VIPR2: variants seen among roughly 807,000 people sequenced by gnomAD.
VIPR2 encodes vasoactive intestinal polypeptide receptor 2.
In VIPR2, 48 loss-of-function variants were observed where a neutral mutation model predicts 58.0. The ratio of observed to expected loss-of-function variants is 0.83; its 90% CI spans 0.66 to 1.05. The LOEUF (loss-of-function observed/expected upper bound fraction) is 1.05. Among genes scored for constraint, VIPR2 ranks in the 50% least tolerant of loss-of-function variants. The pLI is 0.00. For missense variants in VIPR2, 534 were observed against 558.0 expected (o/e 0.96, Z 0.43); for synonymous variants, 243 against 235.2 (o/e 1.03, Z -0.30).
intron 4 of VIPR2, among the ~76,000 whole-genome samples, chr7:159,067,834 CAT>C (rs1307415788): frequency 6.6e-6 from 1 of 152,232 alleles, no homozygotes; most frequent in Non-Finnish European, 1.5e-5. Flanking sequence ...AAGATAATCT[CAT>C]AGGTTCAAGG....
At chr7:159,133,881 T>C (rs998700236) in intron 2 of VIPR2, among the ~76,000 whole-genome samples, 2 of 152,212 alleles carry the variant, frequency 1.3e-5, no homozygotes, top group African/African-American at 2.4e-5. Flanking sequence ...GATGATGTAG[T>C]AGAAATGGAC....
chr7:159,127,830 C>T lies in VIPR2; in HGVS notation c.151+14616G>A, dbSNP rs1796710300. Among the ~76,000 whole-genome samples, 1 of 152,242 alleles carries T rather than the reference C, an allele frequency of 6.6e-6. No individual in the cohort carries two copies. Among genetic ancestry groups the T allele is most frequent in the African/African-American group, 2.4e-5 (1 of 41,464 alleles). ...CCCTTTTCCCAAACTCCTGCCACGG[C>T]TCGGATGCTGCTGGGGCCGCAGGGG... is the stretch of plus-strand genomic sequence containing the variant. On this transcript the variant is annotated intron_variant, in intron 2 of 12. Transcript: ENST00000262178. The surrounding 1 kb of genome is among the most constrained non-coding windows in gnomAD (Gnocchi z 4.6).
chr7:159,068,849 G>T (rs1410321879), intron 4 of VIPR2, among the ~76,000 whole-genome samples: 1 of 152,172 alleles, frequency 6.6e-6, no homozygotes. Flanking sequence ...CAATTATCTT[G>T]TGATCAGAGT....
Position 159,097,871 on chromosome 7 carries a change from T to C in VIPR2, c.357+5886A>G, listed in dbSNP as rs141967834. On this transcript the variant is annotated intron_variant, in intron 4 of 12. Transcript: ENST00000262178. This position sits in a 1 kb window ranked among gnomAD's most constrained non-coding sequence, Gnocchi z 5.3. The stretch of plus-strand genomic sequence containing the variant: ...TGACAGCTGGGTGGGTTCTCAGGCC[T>C]GGACTGCTGAGGCCAAGGCTTCTGG... Among the ~76,000 whole-genome samples the C allele has an allele frequency of 3.9e-3, 596 of 152,256 alleles. 2 individuals are homozygous for C. The highest frequency in any genetic ancestry group is 0.013 in the African/African-American group (558 of 41,546).
intron 4 of VIPR2, among the ~76,000 whole-genome samples, chr7:159,082,899 C>T (rs906605728): frequency 7.2e-5 from 11 of 152,146 alleles, no homozygotes; most frequent in East Asian, 1.9e-4. Flanking sequence ...AATGGGTCAC[C>T]GAATGTGTGA....
rs1236077656 is a variant in VIPR2, at chr7:159,128,417, G to A, written c.151+14029C>T. On this transcript the variant is annotated intron_variant, in intron 2 of 12. Transcript: ENST00000262178. The surrounding 1 kb of genome is among the most constrained non-coding windows in gnomAD (Gnocchi z 4.1). Reference sequence around the variant, plus strand: ...ACCTTATGCCCCTCAGATGACTGAGGTCCTAACAACTGTGTGTAAAAACCT... The same window carrying A: ...ACCTTATGCCCCTCAGATGACTGAGATCCTAACAACTGTGTGTAAAAACCT... 6.6e-6 allele frequency among the ~76,000 whole-genome samples: 1 copy of A among 152,072 alleles called. No individual in the cohort carries two copies. The highest frequency in any genetic ancestry group is 2.4e-5 in the African/African-American group (1 of 41,402).
chr7:159,086,503 G>C (rs567223082), intron 4 of VIPR2, among the ~76,000 whole-genome samples: 48 of 152,344 alleles, frequency 3.2e-4, no homozygotes, highest in African/African-American at 1.2e-3. Context: ...ACATGGGTTT[G>C]CCCCCAGGAA....
intron 5 of VIPR2, among the ~76,000 whole-genome samples, chr7:159,045,680 G>T (rs1335917812): frequency 6.6e-6 from 1 of 152,080 alleles, no homozygotes; most frequent in Non-Finnish European, 1.5e-5. Flanking sequence ...TGTACTTGTG[G>T]TGTCAGCCAC....
chr7:159,039,421 TGAGCC>T (rs1854178433), intron 6 of VIPR2, among the ~76,000 whole-genome samples: 1 of 152,072 alleles, frequency 6.6e-6, no homozygotes, highest in Non-Finnish European at 1.5e-5. Context: ...GAGGTTGCAG[TGAGCC>T]GAGATCCTGC....
chr7:159,064,445 C>T (rs997459493), intron 4 of VIPR2, among the ~76,000 whole-genome samples: 2 of 152,068 alleles, frequency 1.3e-5, no homozygotes, highest in African/African-American at 4.8e-5. Context: ...CAGCAGTGTC[C>T]GGGTTCGTTG....
Position 159,031,918 on chromosome 7 carries a change from G to A in VIPR2, c.1101+20C>T. ...GCAGGACCCGCGCTCGGGGGAGGGC[G>A]GCCGCCTCCGCACACCTACCTGGAA... On this transcript the variant is annotated intron_variant, in intron 11 of 12. Transcript: ENST00000262178. This position sits in a 1 kb window ranked among gnomAD's most constrained non-coding sequence, Gnocchi z 4.0. 1 of 1,614,118 alleles carries A rather than the reference G, an allele frequency of 6.2e-7. No individual in the cohort carries two copies. Among genetic ancestry groups the A allele is most frequent in the Non-Finnish European group, 8.5e-7 (1 of 1,180,036 alleles).
chr7:159,070,586 G>A (rs965548516), intron 4 of VIPR2, among the ~76,000 whole-genome samples: 3 of 152,098 alleles, frequency 2.0e-5, no homozygotes, highest in African/African-American at 7.2e-5. Flanking sequence ...TGGGAAGCAC[G>A]GCCGCTACTG....
Position 159,109,800 on chromosome 7 carries a change from G to T in VIPR2, c.259+12C>A. 2 of 1,613,136 alleles carry T rather than the reference G, an allele frequency of 1.2e-6. No homozygotes were observed. Among genetic ancestry groups the T allele is most frequent in the Non-Finnish European group, 1.7e-6 (2 of 1,179,080 alleles). ...CCTGGAGGAGCTCAGGAACTCAACC[G>T]ACGGACAGTACCTGCTTTGCTGTAA... On this transcript the variant is annotated intron_variant, in intron 3 of 12. Transcript: ENST00000262178.
chr7:159,091,762 C>T (rs1857521501), intron 4 of VIPR2, among the ~76,000 whole-genome samples: 1 of 152,318 alleles, frequency 6.6e-6, no homozygotes, highest in Middle Eastern at 3.4e-3. Flanking sequence ...CCTGCCTGGC[C>T]CTGAAGGCTG....
chr7:159,126,603 G>A (rs1796658158), intron 2 of VIPR2, among the ~76,000 whole-genome samples: 1 of 152,180 alleles, frequency 6.6e-6, no homozygotes, highest in African/African-American at 2.4e-5. Flanking sequence ...ACAGGCGGAG[G>A]TGTGAGACGG....
chr7:159,066,045 C>G (rs1171659336), intron 4 of VIPR2, among the ~76,000 whole-genome samples: 3 of 152,078 alleles, frequency 2.0e-5, no homozygotes, highest in African/African-American at 7.2e-5. Context: ...CCATGGGATT[C>G]CACGATGCCT....
chr7:159,125,100 T>A (rs996787453), intron 2 of VIPR2, among the ~76,000 whole-genome samples: 5 of 152,350 alleles, frequency 3.3e-5, no homozygotes, highest in Non-Finnish European at 7.3e-5. Context: ...GTTGACTTCC[T>A]CTCTTCCTAT....
At chr7:159,032,198 C>T in intron 10 of VIPR2, 131 bp from the exon 11 acceptor site, 1 of 1,297,178 alleles carries the variant, frequency 7.7e-7, no homozygotes. Flanking sequence ...TGCTGGAGTC[C>T]CCGCCCAACA....
At chr7:159,141,723 T>C (rs1797473038) in intron 2 of VIPR2, among the ~76,000 whole-genome samples, 1 of 152,368 alleles carries the variant, frequency 6.6e-6, no homozygotes, top group Non-Finnish European at 1.5e-5. Flanking sequence ...GGCAGGGCTA[T>C]TCTTGAATAA....
Sources: allele counts gnomAD v4.1 joint callset (sites outside exome capture counted in the v4.1 genomes callset), GRCh38; gene constraint gnomAD v4.1.1; non-coding constraint Gnocchi (gnomAD v3.1); transcripts MANE v1.5; gene names NCBI Gene and HGNC (gene_info 2026-07-23, HGNC 2026-07-21).